Variants in AP3B2 observed in about 807,000 individuals in gnomAD.
The protein encoded by AP3B2 is AP-3 complex subunit beta-2.
Under a neutral mutation model 126.9 loss-of-function variants are expected in AP3B2, and 50 were observed. The observed-to-expected ratio is 0.39, with a 90% CI of 0.31 to 0.50. The LOEUF is 0.50. Among genes scored for constraint, AP3B2 ranks in the 20% least tolerant of loss-of-function variants. AP3B2 has a pLI of 0.79. For synonymous variants in AP3B2, 541 were observed against 565.0 expected (o/e 0.96, Z 0.60); for missense variants, 1,177 against 1,426.4 (o/e 0.83, Z 2.82).
intron 1 of AP3B2, among the ~76,000 whole-genome samples, chr15:82,703,893 G>A (rs1025735723): frequency 1.3e-5 from 2 of 151,902 alleles, no homozygotes; most frequent in Admixed American, 1.3e-4. Context: ...TGCTCCTCAG[G>A]TCACTCCCCA....
chr15:82,691,286 T>C (rs2048527793), intron 1 of AP3B2, among the ~76,000 whole-genome samples: 1 of 152,222 alleles, frequency 6.6e-6, no homozygotes, highest in African/African-American at 2.4e-5. Context: ...TTCCTGACTT[T>C]TAATGATTGC....
rs750860663 is a variant in AP3B2, at chr15:82,676,519, A to G, written c.1607T>C (p.Ile536Thr). 8 of 1,613,834 alleles carry G rather than the reference A, an allele frequency of 5.0e-6. No homozygotes were observed. The highest frequency in any genetic ancestry group is 1.3e-5 in the African/African-American group (1 of 74,894). Residue 536 changes from isoleucine (I) to threonine (T), a missense_variant, in exon 14 of 27, where the codon ATT becomes ACT. Around this residue, in one of 5 missense-constraint regions of AP3B2, gnomAD observed 308 missense variants for 452.4 expected, o/e 0.68. Coordinates refer to ENST00000535359, the MANE Select transcript of AP3B2 (RefSeq NM_001278512.2). ...MAKSFTAEED[I>T]VKLQVINLAA... ...CAGGTTGATGACCTGCAGCTTGACA[A>G]TATCCTCCTCTGCTGTGAATGACTT...
chr15:82,680,095 G>T lies in AP3B2; in HGVS notation c.1110+80C>A. The stretch of plus-strand genomic sequence containing the variant: ...CTCCATCTTCCCTTTCCCCGGCCCC[G>T]GTCCCAGCCCCGACAACGCCTCCAG... On this transcript the variant is annotated intron_variant, in intron 9 of 26. Coordinates refer to ENST00000535359, the MANE Select transcript of AP3B2 (RefSeq NM_001278512.2). This position sits in a 1 kb window ranked among gnomAD's most constrained non-coding sequence, Gnocchi z 6.1. 6.3e-7 allele frequency: 1 copy of T among 1,576,572 alleles called. No individual in the cohort carries two copies.
intron 22 of AP3B2, 29 bp from the exon 23 acceptor site, chr15:82,662,951 A>G (rs1344532120): frequency 6.3e-7 from 1 of 1,597,600 alleles, no homozygotes. Flanking sequence ...GAAGGACAGA[A>G]CTGAGCAAGA....
In AP3B2 at chr15:82,665,604, TAGC is replaced by T. The variant is rs1400193669; in HGVS notation, c.1853-32_1853-30del. 2 of 1,557,188 alleles carry T rather than the reference TAGC, an allele frequency of 1.3e-6. No homozygotes were observed. Among genetic ancestry groups the T allele is most frequent in the Non-Finnish European group, 1.8e-6 (2 of 1,130,756 alleles). Reference sequence around the variant, plus strand: ...GGGATAGGTTTAGAGGTCAGGCAGGTAGCAGCAGTGAGGGAAAGCTCTGGGAGC... The same window carrying T: ...GGGATAGGTTTAGAGGTCAGGCAGGTAGCAGTGAGGGAAAGCTCTGGGAGC... On this transcript the variant is annotated intron_variant, in intron 15 of 26. Coordinates refer to ENST00000535359, the MANE Select transcript of AP3B2 (RefSeq NM_001278512.2). The surrounding 1 kb of genome is among the most constrained non-coding windows in gnomAD (Gnocchi z 4.4).
At chr15:82,676,773 G>A in intron 13 of AP3B2, 136 bp from the exon 14 acceptor site, 1 of 849,394 alleles carries the variant, frequency 1.2e-6, no homozygotes, top group Non-Finnish European at 1.8e-6. Context: ...TGGGAGTTGG[G>A]GGTGGTGAGA....
At position 82,678,174 on chromosome 15, in the gene AP3B2, G is replaced by A; in HGVS notation, c.1183-7C>T. 2.5e-6 allele frequency: 4 copies of A among 1,613,800 alleles called. No homozygotes were observed. Among genetic ancestry groups the A allele is most frequent in the Non-Finnish European group, 3.4e-6 (4 of 1,179,844 alleles). On this transcript the variant is annotated splice_region_variant and splice_polypyrimidine_tract_variant and intron_variant, in intron 10 of 26. Transcript: ENST00000535359. Reference sequence around the variant, plus strand: ...GGTTGGTCAGCACTTCCAGCTGCAGGGAGGGTTGGAGAGGCAGAAAATGGG... The same window carrying A: ...GGTTGGTCAGCACTTCCAGCTGCAGAGAGGGTTGGAGAGGCAGAAAATGGG...
At position 82,665,433 on chromosome 15, in the gene AP3B2, A is replaced by T. The variant is rs555434452; in HGVS notation, c.1971+24T>A. On this transcript the variant is annotated intron_variant, in intron 16 of 26. Coordinates refer to ENST00000535359, the MANE Select transcript of AP3B2 (RefSeq NM_001278512.2). This position sits in a 1 kb window ranked among gnomAD's most constrained non-coding sequence, Gnocchi z 4.4. Reference sequence around the variant, plus strand: ...CACACACACACACACACACACACACACTTCAACCCTCCACCCCGCTGACCT... The same window carrying T: ...CACACACACACACACACACACACACTCTTCAACCCTCCACCCCGCTGACCT... The T allele has an allele frequency of 1.3e-3, 1,835 of 1,435,854 alleles. 22 individuals are homozygous for T. The South Asian group carries it at 0.015, about 12-fold the overall frequency. The allele number at this position is 1,435,854 out of a possible 1,614,324, so 88.9% of individuals were successfully genotyped here. A position where few individuals can be genotyped will look rare whatever the true frequency, so the allele number is the denominator to read the frequency against.
At chr15:82,684,524 A>AC (rs1459618558) in intron 4 of AP3B2, among the ~76,000 whole-genome samples, 2 of 152,196 alleles carry the variant, frequency 1.3e-5, no homozygotes, top group Non-Finnish European at 2.9e-5. Flanking sequence ...TATCCAGACC[A>AC]CTTAAATTTT....
chr15:82,695,095 CT>C (rs747831776), intron 1 of AP3B2, among the ~76,000 whole-genome samples: 67 of 134,788 alleles, frequency 5.0e-4, no homozygotes, highest in East Asian at 1.5e-3. Context: ...TTCTTTCTTT[CT>C]TTTTTTTTTT....
intron 15 of AP3B2, among the ~76,000 whole-genome samples, chr15:82,666,116 C>T (rs1453946491): frequency 6.6e-6 from 1 of 152,230 alleles, no homozygotes; most frequent in Non-Finnish European, 1.5e-5. Flanking sequence ...AAAAGATACC[C>T]AGAAGAACTG....
rs553270720 is a variant in AP3B2, at chr15:82,703,202, T to A, written c.113+6392A>T. ...CAGAGTTGTCTGATCACCGCGAGGATGCCTGCCTTGATCTTTCACCCTTAG... is the reference window on the plus strand; with the variant it reads ...CAGAGTTGTCTGATCACCGCGAGGAAGCCTGCCTTGATCTTTCACCCTTAG... On this transcript the variant is annotated intron_variant, in intron 1 of 26. Coordinates refer to ENST00000535359, the MANE Select transcript of AP3B2 (RefSeq NM_001278512.2). Among the ~76,000 whole-genome samples, 75 of 152,292 alleles carry A rather than the reference T, an allele frequency of 4.9e-4. 1 individual carries two copies. Among genetic ancestry groups the A allele is most frequent in the African/African-American group, 1.7e-3 (70 of 41,562 alleles).
chr15:82,699,914 G>A (rs1253970817), intron 1 of AP3B2: 3 of 399,046 alleles, frequency 7.5e-6, no homozygotes, highest in African/African-American at 2.1e-5. Flanking sequence ...TGGCCAGGGC[G>A]CTGGGGCTCC....
At chr15:82,696,039 TTC>T (rs1392324539) in intron 1 of AP3B2, among the ~76,000 whole-genome samples, 1 of 152,204 alleles carries the variant, frequency 6.6e-6, no homozygotes, top group Non-Finnish European at 1.5e-5. Context: ...TACAACCATC[TTC>T]TCTGTCTTCA....
chr15:82,679,954 C>G (rs563643553), intron 9 of AP3B2, among the ~76,000 whole-genome samples, 154 bp from the exon 10 acceptor site: 1 of 152,320 alleles, frequency 6.6e-6, no homozygotes, highest in South Asian at 2.1e-4. Flanking sequence ...CATCTCAGAT[C>G]TGACTAGCTC....
At chr15:82,673,629 A>C (rs12908713) in intron 14 of AP3B2, among the ~76,000 whole-genome samples, 1 of 152,092 alleles carries the variant, frequency 6.6e-6, no homozygotes, top group Non-Finnish European at 1.5e-5. Context: ...AATAGACAAA[A>C]GTACAACTTC....
rs1308641459 is a variant in AP3B2 at position 82,683,333 on chromosome 15, A to G, written c.361-1753T>C. On this transcript the variant is annotated intron_variant, in intron 4 of 26. Coordinates refer to ENST00000535359, the MANE Select transcript of AP3B2 (RefSeq NM_001278512.2). ...CGGCCACCCAAAATGCTGGGATTAC[A>G]GGCGTGAGCCACTGCACCCGGCAGA... Among the ~76,000 whole-genome samples, 3 of 152,190 alleles carry G rather than the reference A, an allele frequency of 2.0e-5. No homozygotes were observed. The East Asian group carries it at 5.8e-4, about 29-fold the overall frequency.
chr15:82,709,381 C>G (rs1019582751), intron 1 of AP3B2, among the ~76,000 whole-genome samples: 1 of 151,956 alleles, frequency 6.6e-6, no homozygotes, highest in Admixed American at 6.5e-5. Context: ...TATCTGCCCC[C>G]CTCCGCGTCC....
chr15:82,677,651 A>C lies in AP3B2; in HGVS notation c.1378+20T>G. 4 of 1,512,022 alleles carry C rather than the reference A, an allele frequency of 2.6e-6. No individual in the cohort carries two copies. Among genetic ancestry groups the C allele is most frequent in the Non-Finnish European group, 3.5e-6 (4 of 1,126,890 alleles). 93.7% of individuals were successfully genotyped at this position (1,512,022 alleles called of 1,614,324 possible). A position where few individuals can be genotyped will look rare whatever the true frequency, so the allele number is the denominator to read the frequency against. ...GACACCCTCTGATCATCACGGTTAG[A>C]CACTCAGGGAAACACTGACCATCAC... On this transcript the variant is annotated intron_variant, in intron 12 of 26. Transcript: ENST00000535359.
Sources: allele counts gnomAD v4.1 joint callset (sites outside exome capture counted in the v4.1 genomes callset), GRCh38; gene constraint gnomAD v4.1.1; regional missense constraint gnomAD v4.1.1; non-coding constraint Gnocchi (gnomAD v3.1); transcripts MANE v1.5; gene names NCBI Gene and HGNC (gene_info 2026-07-23, HGNC 2026-07-21).